CRACD: variants seen among roughly 807,000 people sequenced by gnomAD.
The protein encoded by CRACD is capping protein inhibiting regulator of actin dynamics, also known as capping protein-inhibiting regulator of actin dynamics.
Under a neutral mutation model 106.8 loss-of-function variants are expected in CRACD, and 56 were observed. That is an observed-to-expected ratio of 0.52 (90% CI 0.42 to 0.66). The LOEUF (loss-of-function observed/expected upper bound fraction) is 0.66, where lower values mean the gene tolerates loss of function less well. CRACD is among the 30% of genes least tolerant of loss of function. CRACD has a pLI of 0.00. For synonymous variants in CRACD, 754 were observed against 670.8 expected (o/e 1.12, Z -1.92); for missense variants, 1,730 against 1,623.2 (o/e 1.07, Z -1.13).
chr4:56,269,400 A>T (rs1234093960), intron 2 of CRACD, among the ~76,000 whole-genome samples: 1 of 151,794 alleles, frequency 6.6e-6, no homozygotes, highest in Non-Finnish European at 1.5e-5. Context: ...AAAAAAAAAA[A>T]ATTTAATTGG....
At chr4:56,231,086 C>G (rs1368520120) in intron 2 of CRACD, among the ~76,000 whole-genome samples, 1 of 151,960 alleles carries the variant, frequency 6.6e-6, no homozygotes, top group Non-Finnish European at 1.5e-5. Context: ...AAATTGTTAA[C>G]AAACACTTTA....
In CRACD at chr4:56,287,185, C is replaced by T. The variant is rs115472577; in HGVS notation, c.-16-11029C>T. 4.0e-3 allele frequency among the ~76,000 whole-genome samples: 608 copies of T among 152,288 alleles called. 4 individuals carry two copies. The highest frequency in any genetic ancestry group is 0.014 in the African/African-American group (566 of 41,562). On this transcript the variant is annotated intron_variant, in intron 3 of 10. Transcript: ENST00000682029. The stretch of plus-strand genomic sequence containing the variant: ...TGTCACCTAGGCTGGAGTATGGTGA[C>T]GTGATCATAACTCACTGCAGCCTCG...
At chr4:56,209,704 G>T (rs558287238) in intron 2 of CRACD, among the ~76,000 whole-genome samples, 1 of 152,150 alleles carries the variant, frequency 6.6e-6, no homozygotes, top group African/African-American at 2.4e-5. Context: ...CTTAGGTTTG[G>T]TAATTAATGT....
chr4:56,103,302 G>A (rs1488785317), intron 1 of CRACD, among the ~76,000 whole-genome samples: 1 of 152,176 alleles, frequency 6.6e-6, no homozygotes, highest in Admixed American at 6.5e-5. Context: ...AGGTAGGAGA[G>A]GAGTGAATAA....
intron 2 of CRACD, among the ~76,000 whole-genome samples, chr4:56,252,104 C>A (rs1230693652): frequency 6.6e-6 from 1 of 152,022 alleles, no homozygotes; most frequent in Non-Finnish European, 1.5e-5. Context: ...TGGTCATGAC[C>A]CACTAAATTG....
intron 1 of CRACD, among the ~76,000 whole-genome samples, chr4:56,106,964 A>G (rs530268792): frequency 1.3e-5 from 2 of 152,248 alleles, no homozygotes; most frequent in South Asian, 4.1e-4. Flanking sequence ...GGCAGTGAAC[A>G]TAATATTTAT....
At chr4:56,204,241 A>G (rs756173989) in intron 2 of CRACD, among the ~76,000 whole-genome samples, 30 of 152,258 alleles carry the variant, frequency 2.0e-4, no homozygotes, top group Non-Finnish European at 3.5e-4. Context: ...GTAGAGATCC[A>G]TTAGACTCTC....
chr4:56,076,848 A>C (rs1176982173), intron 1 of CRACD, among the ~76,000 whole-genome samples: 1 of 152,246 alleles, frequency 6.6e-6, no homozygotes, highest in Non-Finnish European at 1.5e-5. Context: ...AGCATCCAGC[A>C]GAGTGCAAAA....
At chr4:56,051,088 A>T (rs1731858359) in intron 1 of CRACD, among the ~76,000 whole-genome samples, 1 of 152,182 alleles carries the variant, frequency 6.6e-6, no homozygotes, top group South Asian at 2.1e-4. Context: ...AGACCAATTA[A>T]TTGGCATTAA....
intron 1 of CRACD, among the ~76,000 whole-genome samples, chr4:56,172,992 G>A (rs939394373): frequency 6.6e-6 from 1 of 152,150 alleles, no homozygotes; most frequent in Admixed American, 6.5e-5. Context: ...TCAACCTCAG[G>A]TGATCCGCCC....
rs80263763 is a variant in CRACD, at chr4:56,167,862, C to A, written c.-335-11422C>A. Among the ~76,000 whole-genome samples the A allele has an allele frequency of 8.1e-3, 1,236 of 152,230 alleles. 14 individuals carry two copies. The highest frequency in any genetic ancestry group is 0.024 in the African/African-American group (1,006 of 41,532). On this transcript the variant is annotated intron_variant, in intron 1 of 10. Transcript: ENST00000682029. ...TCCTGCAATATGCAACATGGATGAA[C>A]CTTGAGGAAATTATGCTAAATGAAA...
chr4:56,252,564 C>G (rs4865080), intron 2 of CRACD, among the ~76,000 whole-genome samples: 13,706 of 152,238 alleles, frequency 0.09, 1,820 homozygotes, highest in East Asian at 0.61. Context: ...GCCATAGTCC[C>G]AGATCTGTAC....
intron 2 of CRACD, among the ~76,000 whole-genome samples, chr4:56,224,064 A>C (rs897380867): frequency 1.3e-5 from 2 of 152,112 alleles, no homozygotes; most frequent in Non-Finnish European, 1.5e-5. Context: ...GCCTGTTTTA[A>C]TTGATGAGGT....
chr4:56,085,305 T>A lies in CRACD; in HGVS notation c.-336+36006T>A, dbSNP rs1399503455. The stretch of plus-strand genomic sequence containing the variant: ...AAAACAATATTAGTAGAATCTTTAT[T>A]TTAAAGTTTATTTATGTGGGTCTTA... On this transcript the variant is annotated intron_variant, in intron 1 of 10. Coordinates refer to ENST00000682029, the MANE Select transcript of CRACD (RefSeq NM_001393381.1). Among the ~76,000 whole-genome samples the A allele has an allele frequency of 7.9e-5, 12 of 152,298 alleles. No individual in the cohort carries two copies. In the East Asian group the frequency reaches 2.3e-3, roughly 29 times the overall value.
intron 2 of CRACD, among the ~76,000 whole-genome samples, chr4:56,223,456 C>T (rs1739150712): frequency 1.3e-5 from 2 of 152,124 alleles, no homozygotes; most frequent in Admixed American, 1.3e-4. Flanking sequence ...CAGGTTGCCT[C>T]ATTTTTGTGG....
chr4:56,101,829 T>C (rs1159450285), intron 1 of CRACD, among the ~76,000 whole-genome samples: 2 of 152,146 alleles, frequency 1.3e-5, no homozygotes, highest in African/African-American at 4.8e-5. Flanking sequence ...TATTAAACAT[T>C]TTATAAAACA....
chr4:56,198,591 A>G (rs1352426194), intron 2 of CRACD, among the ~76,000 whole-genome samples: 9 of 152,162 alleles, frequency 5.9e-5, no homozygotes, highest in Admixed American at 3.9e-4. Context: ...TCTATGTATG[A>G]GAGTTTTATT....
At position 56,049,264 on chromosome 4, in the gene CRACD, C is replaced by T. The variant is rs1168930054; in HGVS notation, c.-371C>T. 4.0e-5 allele frequency: 6 copies of T among 151,244 alleles called. No homozygotes were observed. The highest frequency in any genetic ancestry group is 1.5e-4 in the African/African-American group (6 of 41,328). 9.4% of individuals were successfully genotyped at this position (151,244 alleles called of 1,614,324 possible). On this transcript the variant is annotated 5_prime_UTR_variant, in exon 1 of 11. Transcript: ENST00000682029. ...CCGGGACCGCCGGTCGCCGGCCAGC[C>T]GCTCTGCCAGCCGGAGCGCCAGGCG...
At chr4:56,065,777 A>C (rs927407437) in intron 1 of CRACD, among the ~76,000 whole-genome samples, 1 of 152,184 alleles carries the variant, frequency 6.6e-6, no homozygotes, top group Non-Finnish European at 1.5e-5. Flanking sequence ...ATCACTGTCC[A>C]TCCCTGAACT....
Sources: gnomAD v4.1 joint callset for allele counts (sites outside exome capture counted in the v4.1 genomes callset) on GRCh38, gnomAD v4.1.1 for gene constraint, MANE v1.5 for transcripts, NCBI Gene and HGNC (gene_info 2026-07-23, HGNC 2026-07-21) for gene names.